Variants in SEL1L2 observed in about 807,000 individuals in gnomAD.
The protein encoded by SEL1L2 is SEL1L2 adaptor subunit of SYVN1 ubiquitin ligase, also known as protein sel-1 homolog 2.
Under a neutral mutation model 98.8 loss-of-function variants are expected in SEL1L2, and 89 were observed. The ratio of observed to expected loss-of-function variants is 0.90; its 90% confidence interval spans 0.76 to 1.07. The LOEUF is 1.07. Ranked by LOEUF, SEL1L2 falls within the 50% of genes least tolerant of loss-of-function variation. The probability of loss-of-function intolerance (pLI) is 0.00; values close to 1 mark genes in which losing one functional copy is unlikely to be tolerated. For missense variants in SEL1L2, 788 were observed against 812.0 expected, an observed-to-expected ratio of 0.97 and a Z score of 0.36; for synonymous variants, 262 against 278.5, an observed-to-expected ratio of 0.94 and a Z score of 0.59.
At chr20:13,987,128 G>C (rs1329769077) in intron 1 of SEL1L2, among the ~76,000 whole-genome samples, 1 of 151,920 alleles carries the variant, frequency 6.6e-6, no homozygotes, top group Non-Finnish European at 1.5e-5. Context: ...ACCGCGCCCG[G>C]CCTCTCCATT....
Position 13,887,955 on chromosome 20 carries a change from G to T in SEL1L2, c.650C>A (p.Ser217Tyr), listed in dbSNP as rs754915100. ...TTGTTTACAAACCAAAATCATCTGG[G>T]ACATCATGTTTCCTCCAGCACTTCC... ...TFGSAGGNMM[S>Y]QMILGYRYLS... Residue 217 changes from serine (S) to tyrosine (Y), a missense_variant, in exon 7 of 20, where the codon TCC (serine) becomes TAC (tyrosine). By Grantham distance (144) the Ser-to-Tyr change is moderately radical (BLOSUM62 -2). Transcript: ENST00000284951. 6.2e-7 allele frequency: 1 copy of T among 1,613,644 alleles called. No homozygotes were observed. The highest frequency in any genetic ancestry group is 8.5e-7 in the Non-Finnish European group (1 of 1,179,808).
rs892288115 is a variant in SEL1L2 at position 13,913,620 on chromosome 20, G to A, written c.549+162C>T. ...TGTTGGGGGTTCGGAGGCTTCTGCT[G>A]TACTCCTGCCCTGACACCACTGTTT... is the stretch of plus-strand genomic sequence containing the variant. On this transcript the variant is annotated intron_variant, in intron 5 of 19. Transcript: ENST00000284951. 10 of 522,268 alleles carry A rather than the reference G, an allele frequency of 1.9e-5. No homozygotes were observed. In the East Asian group the frequency reaches 2.1e-4, roughly 11 times the overall value. 32.4% of individuals were successfully genotyped at this position (522,268 alleles called of 1,614,324 possible).
chr20:13,964,140 T>A (rs947349225), intron 1 of SEL1L2, among the ~76,000 whole-genome samples: 1 of 151,890 alleles, frequency 6.6e-6, no homozygotes, highest in Non-Finnish European at 1.5e-5. Context: ...TCCCAAAGTG[T>A]TGGGGTTACA....
chr20:13,965,683 A>G (rs1261809476), intron 1 of SEL1L2, among the ~76,000 whole-genome samples: 1 of 152,206 alleles, frequency 6.6e-6, no homozygotes, highest in East Asian at 1.9e-4. Flanking sequence ...GGTCGGGCAC[A>G]GTGGCTCACG....
intron 3 of SEL1L2, among the ~76,000 whole-genome samples, chr20:13,920,313 G>C (rs1329761737): frequency 6.6e-6 from 1 of 151,576 alleles, no homozygotes; most frequent in Non-Finnish European, 1.5e-5. Flanking sequence ...CACAGAGACA[G>C]AATACTCATG....
intron 5 of SEL1L2, among the ~76,000 whole-genome samples, chr20:13,893,209 C>T (rs549935727): frequency 6.6e-6 from 1 of 152,164 alleles, no homozygotes; most frequent in Admixed American, 6.5e-5. Flanking sequence ...AACTTTCCAA[C>T]TCCCACCTCA....
At position 13,859,340 on chromosome 20, in the gene SEL1L2, A is replaced by T. The variant is rs202244623; in HGVS notation, c.1740T>A (p.Ile580=). 1.4e-4 allele frequency: 231 copies of T among 1,614,030 alleles called. No homozygotes were observed. The highest frequency in any genetic ancestry group is 4.0e-5 in the African/African-American group (3 of 74,924). ...DYQTAATHYS[I]AANKYHNAQA... The stretch of plus-strand genomic sequence containing the variant: ...GCGCGTTGTGGTATTTGTTGGCTGC[A>T]ATGCTGTAGTGTGTGGCTGCTGTTT... The change falls in exon 18 of 20, where the codon ATT becomes ATA. Residue 580 remains isoleucine (I), a synonymous_variant. Transcript: ENST00000284951.
chr20:13,968,704 A>T (rs2051155319), intron 1 of SEL1L2, among the ~76,000 whole-genome samples: 1 of 152,244 alleles, frequency 6.6e-6, no homozygotes, highest in East Asian at 1.9e-4. Flanking sequence ...AATAACTGGG[A>T]TATAACATCA....
At chr20:13,888,335 C>G in intron 6 of SEL1L2, 124 bp downstream of exon 6, 2 of 701,416 alleles carry the variant, frequency 2.9e-6, no homozygotes, top group South Asian at 1.7e-5. Flanking sequence ...ATTTCTTTGA[C>G]TATTAAGTTG....
In SEL1L2 at chr20:13,888,514, TAAAGCACA is replaced by T. The variant is rs2047057450; in HGVS notation, c.550-10_550-3del. Reference sequence around the variant, plus strand: ...ATAAGAAGACAAAAATCCTAATGCCTAAAGCACAAAAGAAGAAACAAAATTTAATAAAT... The same window carrying T: ...ATAAGAAGACAAAAATCCTAATGCCTAAAGAAGAAACAAAATTTAATAAAT... On this transcript the variant is annotated splice_region_variant and splice_polypyrimidine_tract_variant and intron_variant, in intron 5 of 19. Transcript: ENST00000284951. 6.5e-7 allele frequency: 1 copy of T among 1,528,358 alleles called. No individual in the cohort carries two copies. The highest frequency in any genetic ancestry group is 1.2e-5 in the South Asian group (1 of 85,634). The allele number at this position is 1,528,358 out of a possible 1,614,324, so 94.7% of individuals were successfully genotyped here.
chr20:13,856,306 T>C (rs1200528038), intron 18 of SEL1L2, among the ~76,000 whole-genome samples: 1 of 152,094 alleles, frequency 6.6e-6, no homozygotes, highest in African/African-American at 2.4e-5. Flanking sequence ...ATTTTTGCAT[T>C]TTTAGTAGAG....
rs1426655849 is a variant in SEL1L2 at position 13,850,226 on chromosome 20, T to C, written c.1912A>G (p.Thr638Ala). Residue 638 changes from threonine to alanine, a missense_variant, in exon 19 of 20, where the codon ACT becomes GCT. By Grantham distance (58) the Thr-to-Ala change is moderately conservative. Coordinates refer to ENST00000284951, the MANE Select transcript of SEL1L2 (RefSeq NM_025229.2). ...PVLFAVMKLE[T>A]THLLRDILFF... is the part of the protein sequence containing the mutation. ...AGGATATCCCGGAGCAAATGCGTAG[T>C]TTCCAGTTTCATGACGGCAAAGAGC... 4 of 1,613,856 alleles carry C rather than the reference T, an allele frequency of 2.5e-6. No homozygotes were observed. Among genetic ancestry groups the C allele is most frequent in the Non-Finnish European group, 3.4e-6 (4 of 1,179,914 alleles).
At chr20:13,876,582 A>T (rs1175008485) in intron 11 of SEL1L2, among the ~76,000 whole-genome samples, 1 of 152,154 alleles carries the variant, frequency 6.6e-6, no homozygotes, top group Non-Finnish European at 1.5e-5. Flanking sequence ...GGAACCCTCC[A>T]CCAGGCTACT....
intron 3 of SEL1L2, among the ~76,000 whole-genome samples, chr20:13,931,196 A>T (rs1213713110): frequency 1.3e-5 from 2 of 151,690 alleles, no homozygotes; most frequent in African/African-American, 4.8e-5. Flanking sequence ...GGTGCCCGCC[A>T]CCGTGCCTGG....
At chr20:13,964,390 C>G (rs951092757) in intron 1 of SEL1L2, among the ~76,000 whole-genome samples, 1 of 149,174 alleles carries the variant, frequency 6.7e-6, no homozygotes, top group East Asian at 2.0e-4. Flanking sequence ...GCAACCTGCC[C>G]TTTTTCGTTG....
At chr20:13,954,349 G>T (rs1177681881) in intron 2 of SEL1L2, among the ~76,000 whole-genome samples, 1 of 152,100 alleles carries the variant, frequency 6.6e-6, no homozygotes, top group Non-Finnish European at 1.5e-5. Flanking sequence ...AGTGAGCTGA[G>T]GATACTCTAT....
intron 1 of SEL1L2, among the ~76,000 whole-genome samples, chr20:13,961,416 A>G (rs2050765263): frequency 6.6e-6 from 1 of 152,216 alleles, no homozygotes; most frequent in Non-Finnish European, 1.5e-5. Context: ...AGAATTTTGA[A>G]GTGGTAGGGA....
At chr20:13,878,783 G>A (rs147376962) in intron 10 of SEL1L2, among the ~76,000 whole-genome samples, 219 of 152,176 alleles carry the variant, frequency 1.4e-3, no homozygotes, top group Non-Finnish European at 2.0e-3. Flanking sequence ...AGTATGTTAC[G>A]TATTATAGAT....
chr20:13,914,419 C>G (rs533894527), intron 4 of SEL1L2, among the ~76,000 whole-genome samples: 1 of 152,144 alleles, frequency 6.6e-6, no homozygotes, highest in East Asian at 1.9e-4. Context: ...AATGATGATC[C>G]CTTCATATCT....
Sources: gnomAD v4.1 joint callset for allele counts (sites outside exome capture counted in the v4.1 genomes callset) on GRCh38, gnomAD v4.1.1 for gene constraint, MANE v1.5 for transcripts, NCBI Gene and HGNC (gene_info 2026-07-23, HGNC 2026-07-21) for gene names.